ARHGAP26: variants seen among roughly 807,000 people sequenced by gnomAD.
ARHGAP26 encodes the protein Rho GTPase activating protein 26, also known as rho GTPase-activating protein 26.
ARHGAP26 carries 38 observed loss-of-function variants against 104.8 expected under a neutral mutation model. The ratio of observed to expected loss-of-function variants is 0.36; its 90% CI spans 0.28 to 0.48. The LOEUF (loss-of-function observed/expected upper bound fraction) is 0.48. ARHGAP26 is among the 20% of genes least tolerant of loss of function. ARHGAP26 has a pLI of 0.99. For synonymous variants in ARHGAP26, 341 were observed against 340.0 expected (o/e 1.00, Z -0.03); for missense variants, 704 against 947.9 (o/e 0.74, Z 3.38).
intron 19 of ARHGAP26, 89 bp downstream of exon 19, chr5:143,134,194 C>T (rs1462543725): frequency 2.1e-6 from 3 of 1,411,086 alleles, no homozygotes; most frequent in African/African-American, 2.9e-5. Context: ...CAGCTTTTCT[C>T]TGTGTGCTAC....
At chr5:142,990,116 C>T (rs1483950331) in intron 11 of ARHGAP26, among the ~76,000 whole-genome samples, 1 of 152,192 alleles carries the variant, frequency 6.6e-6, no homozygotes, top group Non-Finnish European at 1.5e-5. Flanking sequence ...TTGGTCTTTT[C>T]ACATAGTCCC....
intron 1 of ARHGAP26, among the ~76,000 whole-genome samples, chr5:142,814,965 C>T (rs1202687210): frequency 6.6e-6 from 1 of 152,202 alleles, no homozygotes; most frequent in Admixed American, 6.5e-5. Flanking sequence ...GCTCCTGACT[C>T]AGGGATAGAG....
intron 2 of ARHGAP26, 140 bp downstream of exon 2, chr5:142,873,635 GAT>G: frequency 1.8e-6 from 1 of 558,038 alleles, no homozygotes; most frequent in Non-Finnish European, 3.0e-6. Context: ...GAGGGCCAGA[GAT>G]ATGTGAGGAT....
In ARHGAP26 at chr5:142,903,608, C is replaced by A. The variant is rs144452311; in HGVS notation, c.771C>A (p.Pro257=). The stretch of plus-strand genomic sequence containing the variant: ...TGATGAAAAAGATGAAGGAGAATCC[C>A]CTTGAGCACAAGACCATCAGTCCCT... ...ESLMKKMKEN[P]LEHKTISPYT... is the part of the protein sequence containing the mutation. Residue 257 remains proline (P), a synonymous_variant, in exon 8 of 23, where the codon CCC becomes CCA. Coordinates refer to ENST00000645722, the MANE Select transcript of ARHGAP26 (RefSeq NM_001135608.3). 7 of 1,613,918 alleles carry A rather than the reference C, an allele frequency of 4.3e-6. No individual in the cohort carries two copies. Among genetic ancestry groups the A allele is most frequent in the Non-Finnish European group, 5.9e-6 (7 of 1,179,902 alleles).
chr5:142,869,209 T>C (rs13188062), intron 1 of ARHGAP26, among the ~76,000 whole-genome samples: 10,709 of 137,774 alleles, frequency 0.078, 551 homozygotes, highest in East Asian at 0.17. Context: ...TTCTTTTTTC[T>C]TTTTTTTTTT....
chr5:143,093,985 C>T (rs1307811852), intron 17 of ARHGAP26, among the ~76,000 whole-genome samples: 5 of 152,150 alleles, frequency 3.3e-5, no homozygotes, highest in African/African-American at 4.8e-5. Flanking sequence ...TGAAGTTCAA[C>T]GCCCCCCCAT....
At chr5:142,945,822 T>C (rs1281571079) in intron 11 of ARHGAP26, among the ~76,000 whole-genome samples, 1 of 152,228 alleles carries the variant, frequency 6.6e-6, no homozygotes, top group Non-Finnish European at 1.5e-5. Flanking sequence ...AATATTATTA[T>C]CTATTTTACA....
intron 1 of ARHGAP26, among the ~76,000 whole-genome samples, chr5:142,829,961 T>C (rs2152113819): frequency 6.6e-6 from 1 of 152,298 alleles, no homozygotes; most frequent in African/African-American, 2.4e-5. Flanking sequence ...ATACCATTAT[T>C]ACTTTGGGGA....
intron 11 of ARHGAP26, among the ~76,000 whole-genome samples, chr5:142,992,447 T>A (rs952700435): frequency 2.6e-5 from 4 of 151,570 alleles, no homozygotes; most frequent in African/African-American, 7.3e-5. Flanking sequence ...TTTATTTTTT[T>A]TTTTGAGAGG....
intron 22 of ARHGAP26, 21 bp downstream of exon 22, chr5:143,214,109 CAAAGATATGGGCGGGGGGCGGGGG>C: frequency 9.7e-7 from 1 of 1,030,998 alleles, no homozygotes. Context: ...CATCCCCTCA[CAAAGATATGGGCGGGGGGCGGGGG>C]CAAGGGGAGC....
chr5:143,187,441 C>G (rs1050500153), intron 20 of ARHGAP26, among the ~76,000 whole-genome samples: 1 of 152,160 alleles, frequency 6.6e-6, no homozygotes, highest in Non-Finnish European at 1.5e-5. Context: ...GTTTCAACAG[C>G]TTCTAGGGCA....
At chr5:142,790,885 T>C (rs1759660713) in intron 1 of ARHGAP26, among the ~76,000 whole-genome samples, 1 of 152,102 alleles carries the variant, frequency 6.6e-6, no homozygotes, top group African/African-American at 2.4e-5. Flanking sequence ...CCCTTCTATC[T>C]CATTACCCCG....
At chr5:143,104,181 A>G (rs1384337575) in intron 17 of ARHGAP26, among the ~76,000 whole-genome samples, 2 of 152,148 alleles carry the variant, frequency 1.3e-5, no homozygotes. Flanking sequence ...ATTGACATAG[A>G]TCTCATGGGT....
In ARHGAP26 at chr5:143,096,928, C is replaced by A. The variant is rs150534056; in HGVS notation, c.1539-24060C>A. 2.0e-3 allele frequency among the ~76,000 whole-genome samples: 301 copies of A among 152,250 alleles called. 3 individuals are homozygous for A. Among genetic ancestry groups the A allele is most frequent in the Middle Eastern group, 0.017 (5 of 294 alleles). On this transcript the variant is annotated intron_variant, in intron 17 of 22. Transcript: ENST00000645722. ...TGTATGGCCTAGAGAACATAATATC[C>A]TCATTCTAGCCACCTCTTAAAAGAA... is the stretch of plus-strand genomic sequence containing the variant.
At chr5:142,812,941 CTTTTTTTTT>C (rs34704039) in intron 1 of ARHGAP26, among the ~76,000 whole-genome samples, 2 of 138,158 alleles carry the variant, frequency 1.4e-5, no homozygotes, top group Non-Finnish European at 3.1e-5. Context: ...TTTTTTCTTT[CTTTTTTTTT>C]TTTTTGAGAA....
chr5:142,963,198 ATG>A lies in ARHGAP26; in HGVS notation c.1107+31094_1107+31095del, dbSNP rs1217350223. ...TATATATATATATATATATATATATATGTGTGTGTGTGTGTGTGTGTGCGCGT... is the reference window on the plus strand; with the variant it reads ...TATATATATATATATATATATATATATGTGTGTGTGTGTGTGTGTGCGCGT... On this transcript the variant is annotated intron_variant, in intron 11 of 22. Transcript: ENST00000645722. Among the ~76,000 whole-genome samples, 133 of 98,298 alleles carry A rather than the reference ATG, an allele frequency of 1.4e-3. 1 individual carries two copies. The highest frequency in any genetic ancestry group is 2.5e-3 in the Admixed American group (26 of 10,360). 64.5% of individuals were successfully genotyped at this position (98,298 alleles called of 152,430 possible). A position where few individuals can be genotyped will look rare whatever the true frequency, so the allele number is the denominator to read the frequency against.
chr5:143,075,058 A>T (rs1042171805), intron 17 of ARHGAP26, among the ~76,000 whole-genome samples: 2 of 152,232 alleles, frequency 1.3e-5, no homozygotes, highest in Non-Finnish European at 2.9e-5. Flanking sequence ...TCATTAGATA[A>T]TGGATAGCAA....
chr5:142,951,117 T>C (rs1325970023), intron 11 of ARHGAP26, among the ~76,000 whole-genome samples: 1 of 151,666 alleles, frequency 6.6e-6, no homozygotes, highest in Non-Finnish European at 1.5e-5. Context: ...TGGAGTGCAG[T>C]GGTGCGATCT....
At chr5:142,829,723 G>A (rs925718716) in intron 1 of ARHGAP26, among the ~76,000 whole-genome samples, 1 of 152,194 alleles carries the variant, frequency 6.6e-6, no homozygotes, top group African/African-American at 2.4e-5. Context: ...AGTGTCACCT[G>A]GTCAAGCAGG....
Sources: allele counts gnomAD v4.1 joint callset (sites outside exome capture counted in the v4.1 genomes callset), GRCh38; gene constraint gnomAD v4.1.1; transcripts MANE v1.5; gene names NCBI Gene and HGNC (gene_info 2026-07-23, HGNC 2026-07-21).